The following CDK14 variants were observed in gnomAD, a reference collection of about 807,000 sequenced individuals.
CDK14 encodes the protein cyclin dependent kinase 14, also known as cyclin-dependent kinase 14.
In CDK14, 34 loss-of-function variants were observed where a neutral mutation model predicts 60.7. The observed-to-expected ratio is 0.56, with a 90% CI of 0.43 to 0.75. CDK14 has a LOEUF of 0.75. Ranked by LOEUF, CDK14 falls within the 30% of genes least tolerant of loss-of-function variation. The pLI is 0.00. For synonymous variants in CDK14, 197 were observed against 203.7 expected, an observed-to-expected ratio of 0.97 and a Z score of 0.28; for missense variants, 482 against 564.1, an observed-to-expected ratio of 0.85 and a Z score of 1.47.
chr7:90,947,424 G>A (rs1180432059), intron 8 of CDK14, among the ~76,000 whole-genome samples: 2 of 152,174 alleles, frequency 1.3e-5, no homozygotes, highest in African/African-American at 4.8e-5. Context: ...ACTACAGTAT[G>A]ACCTGGGGTA....
chr7:91,112,026 A>G (rs1354213685), intron 12 of CDK14, among the ~76,000 whole-genome samples: 1 of 152,176 alleles, frequency 6.6e-6, no homozygotes, highest in African/African-American at 2.4e-5. Context: ...TAATATTATG[A>G]TAGTTGATAT....
chr7:90,663,509 A>G (rs1800906551), intron 2 of CDK14, among the ~76,000 whole-genome samples: 1 of 152,116 alleles, frequency 6.6e-6, no homozygotes, highest in Admixed American at 6.6e-5. Flanking sequence ...CTGAGGAGAA[A>G]CCATTGTTTT....
intron 7 of CDK14, among the ~76,000 whole-genome samples, chr7:90,916,397 G>C (rs1793083860): frequency 6.6e-6 from 1 of 152,130 alleles, no homozygotes; most frequent in South Asian, 2.1e-4. Flanking sequence ...AGCCTTTACT[G>C]CCCCATACAT....
chr7:91,138,684 T>A (rs1233917553), intron 14 of CDK14, among the ~76,000 whole-genome samples: 2 of 152,140 alleles, frequency 1.3e-5, no homozygotes, highest in Non-Finnish European at 2.9e-5. Flanking sequence ...TGAATAGATT[T>A]TATATATATT....
intron 2 of CDK14, among the ~76,000 whole-genome samples, chr7:90,620,298 T>A (rs1799738973): frequency 6.6e-6 from 1 of 152,206 alleles, no homozygotes; most frequent in South Asian, 2.1e-4. Flanking sequence ...CTGGGCTGGG[T>A]ATTTTTCTTT....
chr7:90,719,032 C>T (rs568504181), intron 2 of CDK14, among the ~76,000 whole-genome samples: 1 of 152,236 alleles, frequency 6.6e-6, no homozygotes, highest in South Asian at 2.1e-4. Context: ...TTATAAATGA[C>T]TGATGATTTT....
chr7:90,877,709 A>G (rs1791608464), intron 6 of CDK14, among the ~76,000 whole-genome samples: 1 of 152,168 alleles, frequency 6.6e-6, no homozygotes, highest in Non-Finnish European at 1.5e-5. Flanking sequence ...AAAGCTGTCT[A>G]AATCTAACAA....
At position 90,616,902 on chromosome 7, in the gene CDK14, A is replaced by G. The variant is rs542975989; in HGVS notation, c.123+12653A>G. 3.3e-5 allele frequency among the ~76,000 whole-genome samples: 5 copies of G among 151,994 alleles called. 1 individual carries two copies. Among genetic ancestry groups the G allele is most frequent in the African/African-American group, 1.2e-4 (5 of 41,528 alleles). ...TATATATATGTGTGCCTGTGTATAT[A>G]TACACATATTTTCCTCCATTTTGAT... On this transcript the variant is annotated intron_variant, in intron 2 of 14. Transcript: ENST00000380050.
chr7:90,629,836 G>T (rs1294818986), intron 2 of CDK14, among the ~76,000 whole-genome samples: 1 of 152,142 alleles, frequency 6.6e-6, no homozygotes, highest in African/African-American at 2.4e-5. Flanking sequence ...AGACCAGCCT[G>T]ACCAACATGG....
chr7:91,098,568 A>G (rs1286119378), intron 12 of CDK14, among the ~76,000 whole-genome samples: 2 of 152,056 alleles, frequency 1.3e-5, no homozygotes, highest in Non-Finnish European at 2.9e-5. Context: ...ATGAGGAAAC[A>G]TCTCTTCTAT....
At chr7:91,018,110 A>T (rs139553767) in intron 10 of CDK14, among the ~76,000 whole-genome samples, 1 of 152,338 alleles carries the variant, frequency 6.6e-6, no homozygotes, top group East Asian at 1.9e-4. Flanking sequence ...TTCAGTACAA[A>T]GGAAGCAAAA....
chr7:91,179,201 G>A lies in CDK14; in HGVS notation c.*29-27964G>A, dbSNP rs552192024. ...AAAAAATGATGAGTTCATGTCCTTTGTAGGGACATGGATGAAACTGGAAAT... is the reference window on the plus strand; with the variant it reads ...AAAAAATGATGAGTTCATGTCCTTTATAGGGACATGGATGAAACTGGAAAT... On this transcript the variant is annotated intron_variant, in intron 14 of 14. Transcript: ENST00000380050. Among the ~76,000 whole-genome samples the A allele has an allele frequency of 8.5e-5, 13 of 152,060 alleles. 1 individual carries two copies. The South Asian group carries it at 1.5e-3, about 17-fold the overall frequency.
chr7:90,890,676 G>A (rs1198509335), intron 6 of CDK14, among the ~76,000 whole-genome samples: 3 of 152,198 alleles, frequency 2.0e-5, no homozygotes, highest in Non-Finnish European at 4.4e-5. Flanking sequence ...CTGCATATAA[G>A]AGCAGTTTGA....
intron 2 of CDK14, among the ~76,000 whole-genome samples, chr7:90,718,417 A>T: frequency 6.6e-6 from 1 of 152,254 alleles, no homozygotes; most frequent in African/African-American, 2.4e-5. Context: ...ATTATTTACC[A>T]GCTGCAAACT....
At chr7:90,756,212 T>C (rs1308792305) in intron 4 of CDK14, among the ~76,000 whole-genome samples, 1 of 152,238 alleles carries the variant, frequency 6.6e-6, no homozygotes, top group East Asian at 1.9e-4. Flanking sequence ...GTTTTAATTA[T>C]GACTCAAATA....
In CDK14 at chr7:90,598,704, A is replaced by ATTTTTTTTTTTTTTTTTTTTTTT. The variant is rs796093975; in HGVS notation, c.91+2004_91+2005insTTTTTTTTTTTTTTTTTTTTTTT. Among the ~76,000 whole-genome samples, 12 of 87,894 alleles carry ATTTTTTTTTTTTTTTTTTTTTTT rather than the reference A, an allele frequency of 1.4e-4. 3 individuals are homozygous for ATTTTTTTTTTTTTTTTTTTTTTT. The highest frequency in any genetic ancestry group is 1.8e-4 in the Non-Finnish European group (8 of 43,720). 57.7% of individuals were successfully genotyped at this position (87,894 alleles called of 152,430 possible). On this transcript the variant is annotated intron_variant, in intron 1 of 14. Coordinates refer to ENST00000380050, the MANE Select transcript of CDK14 (RefSeq NM_001287135.2). ...GTGAACTCATTCTGATTATCTAAGGATTTTTTTTTTTTTTTTTTGAGACGG... is the reference window on the plus strand; with the variant it reads ...GTGAACTCATTCTGATTATCTAAGGATTTTTTTTTTTTTTTTTTTTTTTTTTTTTTTTTTTTTTTTTGAGACGG...
intron 6 of CDK14, among the ~76,000 whole-genome samples, chr7:90,873,175 A>G (rs1318555209): frequency 2.6e-5 from 4 of 152,158 alleles, no homozygotes; most frequent in Non-Finnish European, 5.9e-5. Context: ...TAAGACTGAC[A>G]ATAATTATCA....
At chr7:90,947,647 A>G (rs931083851) in intron 8 of CDK14, among the ~76,000 whole-genome samples, 8 of 152,180 alleles carry the variant, frequency 5.3e-5, no homozygotes, top group African/African-American at 1.9e-4. Flanking sequence ...TGTATTATCT[A>G]CAATAAGACC....
chr7:90,977,421 G>T (rs888292435), intron 9 of CDK14, among the ~76,000 whole-genome samples: 1 of 151,824 alleles, frequency 6.6e-6, no homozygotes, highest in African/African-American at 2.4e-5. Flanking sequence ...AGCTACATGC[G>T]GGGAAAGAGG....
Sources: allele counts gnomAD v4.1 joint callset (sites outside exome capture counted in the v4.1 genomes callset), GRCh38; gene constraint gnomAD v4.1.1; transcripts MANE v1.5; gene names NCBI Gene and HGNC (gene_info 2026-07-23, HGNC 2026-07-21).